The following CCSER1 variants were observed in gnomAD, a reference collection of about 807,000 sequenced individuals.
CCSER1 encodes the protein serine-rich coiled-coil domain-containing protein 1.
In CCSER1, 41 loss-of-function variants were observed where a neutral mutation model predicts 82.0. That is an observed-to-expected ratio of 0.50 (90% CI 0.39 to 0.65). The LOEUF is 0.65. CCSER1 is among the 30% of genes least tolerant of loss of function. The probability of loss-of-function intolerance (pLI) is 0.00; values close to 1 mark genes in which losing one functional copy is unlikely to be tolerated. For synonymous variants in CCSER1, 414 were observed against 383.9 expected, an observed-to-expected ratio of 1.08 and a Z score of -0.92; for missense variants, 1,119 against 1,064.2, an observed-to-expected ratio of 1.05 and a Z score of -0.72.
rs1394260540 is a variant in CCSER1 at position 91,013,287 on chromosome 4, A to C, written c.2173-72663A>C. Among the ~76,000 whole-genome samples the C allele has an allele frequency of 2.3e-5, 3 of 132,984 alleles. 1 individual carries two copies. Among genetic ancestry groups the C allele is most frequent in the Non-Finnish European group, 5.2e-5 (3 of 57,398 alleles). 87.2% of individuals were successfully genotyped at this position (132,984 alleles called of 152,430 possible). On this transcript the variant is annotated intron_variant, in intron 9 of 10. Transcript: ENST00000509176. ...GTCCAATTTTTTCTTTTGTATGTAAATATTTAGTTTTCCAGACACTCTTTG... is the reference window on the plus strand; with the variant it reads ...GTCCAATTTTTTCTTTTGTATGTAACTATTTAGTTTTCCAGACACTCTTTG...
intron 10 of CCSER1, among the ~76,000 whole-genome samples, chr4:91,230,849 C>T (rs1036482060): frequency 9.2e-5 from 14 of 151,736 alleles, no homozygotes; most frequent in Non-Finnish European, 2.1e-4. Flanking sequence ...AAAAATTATA[C>T]TTAAAGTCAT....
chr4:91,444,509 G>A lies in CCSER1; in HGVS notation c.2218-154063G>A, dbSNP rs536812625. Among the ~76,000 whole-genome samples, 368 of 152,046 alleles carry A rather than the reference G, an allele frequency of 2.4e-3. 4 individuals carry two copies. In the South Asian group the frequency reaches 0.032, roughly 13 times the overall value. ...CTATCACCCAGGCTGGAGTGCAATG[G>A]CACCATCTCGGCTCACTGCAACTTC... On this transcript the variant is annotated intron_variant, in intron 10 of 10. Coordinates refer to ENST00000509176, the MANE Select transcript of CCSER1 (RefSeq NM_001145065.2).
intron 1 of CCSER1, among the ~76,000 whole-genome samples, chr4:90,261,588 T>C (rs1485143976): frequency 6.6e-6 from 1 of 152,190 alleles, no homozygotes; most frequent in Non-Finnish European, 1.5e-5. Context: ...GGTGATGATC[T>C]TTTTGCAATG....
chr4:91,474,769 A>G (rs561838303), intron 10 of CCSER1, among the ~76,000 whole-genome samples: 8 of 139,842 alleles, frequency 5.7e-5, no homozygotes, highest in Admixed American at 2.3e-4. Context: ...ATGTGTGTGT[A>G]TATATATATA....
At chr4:91,440,651 A>G (rs1047020286) in intron 10 of CCSER1, among the ~76,000 whole-genome samples, 1 of 152,194 alleles carries the variant, frequency 6.6e-6, no homozygotes, top group African/African-American at 2.4e-5. Context: ...GAGACACAAA[A>G]AACCCTTCAA....
intron 10 of CCSER1, among the ~76,000 whole-genome samples, chr4:91,185,650 C>T (rs1425196603): frequency 2.0e-5 from 3 of 152,220 alleles, no homozygotes; most frequent in Admixed American, 2.0e-4. Context: ...ATCAGGTTCC[C>T]TTCTTTATCA....
At chr4:91,172,310 A>G (rs1732845797) in intron 10 of CCSER1, among the ~76,000 whole-genome samples, 1 of 152,196 alleles carries the variant, frequency 6.6e-6, no homozygotes. Context: ...TGTTACAGAG[A>G]GAAAAAAGGA....
At chr4:90,413,727 G>A (rs531832765) in intron 4 of CCSER1, among the ~76,000 whole-genome samples, 25 of 151,138 alleles carry the variant, frequency 1.7e-4, no homozygotes, top group African/African-American at 6.1e-4. Context: ...AGGCCAAGGC[G>A]GGCAGATCAC....
chr4:91,389,320 T>A (rs2149347758), intron 10 of CCSER1, among the ~76,000 whole-genome samples: 1 of 152,168 alleles, frequency 6.6e-6, no homozygotes, highest in African/African-American at 2.4e-5. Context: ...CAGCACCATT[T>A]GTTGAAAAGA....
intron 5 of CCSER1, among the ~76,000 whole-genome samples, chr4:90,609,736 C>T (rs1295959879): frequency 6.6e-6 from 1 of 152,094 alleles, no homozygotes; most frequent in Non-Finnish European, 1.5e-5. Context: ...ACTCAGAAAA[C>T]ATTTATGAAT....
chr4:91,114,145 C>G (rs563545280), intron 10 of CCSER1, among the ~76,000 whole-genome samples: 1 of 152,184 alleles, frequency 6.6e-6, no homozygotes, highest in African/African-American at 2.4e-5. Flanking sequence ...AGCCACCATG[C>G]CCAGCCAATA....
At chr4:91,467,702 G>T (rs763575481) in intron 10 of CCSER1, among the ~76,000 whole-genome samples, 2 of 152,180 alleles carry the variant, frequency 1.3e-5, no homozygotes, top group Non-Finnish European at 2.9e-5. Context: ...GATATGAACA[G>T]ACACTTCTCA....
intron 1 of CCSER1, among the ~76,000 whole-genome samples, chr4:90,276,609 G>A (rs1311230939): frequency 6.6e-6 from 1 of 152,166 alleles, no homozygotes; most frequent in East Asian, 1.9e-4. Flanking sequence ...CCCACCCAAA[G>A]TGCTGGGATT....
intron 5 of CCSER1, among the ~76,000 whole-genome samples, chr4:90,502,755 T>G (rs1200352443): frequency 6.6e-6 from 1 of 152,214 alleles, no homozygotes; most frequent in African/African-American, 2.4e-5. Context: ...GATATTTATT[T>G]TTAATTAAGC....
intron 5 of CCSER1, among the ~76,000 whole-genome samples, chr4:90,593,057 A>G (rs1782895835): frequency 6.6e-6 from 1 of 152,180 alleles, no homozygotes; most frequent in Non-Finnish European, 1.5e-5. Context: ...AAATGATCAT[A>G]CTAAAGAGTA....
chr4:90,503,996 C>T (rs1479282837), intron 5 of CCSER1, among the ~76,000 whole-genome samples: 1 of 151,946 alleles, frequency 6.6e-6, no homozygotes, highest in East Asian at 1.9e-4. Flanking sequence ...CATTTATTTC[C>T]TTTTACCTTT....
intron 9 of CCSER1, among the ~76,000 whole-genome samples, chr4:90,935,187 C>A (rs1422916230): frequency 6.6e-6 from 1 of 151,878 alleles, no homozygotes; most frequent in African/African-American, 2.4e-5. Context: ...AAATTTGATT[C>A]CCAATTGGAG....
rs142153065 is a variant in CCSER1 at position 90,200,401 on chromosome 4, A to C, written c.-42+72570A>C. Among the ~76,000 whole-genome samples, 572 of 152,164 alleles carry C rather than the reference A, an allele frequency of 3.8e-3. 2 individuals carry two copies. The highest frequency in any genetic ancestry group is 4.8e-3 in the Admixed American group (73 of 15,266). On this transcript the variant is annotated intron_variant, in intron 1 of 10. Transcript: ENST00000509176. ...CAGAATAATAAATGGGCACACAAAT[A>C]TCTTGATACCTGCAAGAGATATTTT...
intron 10 of CCSER1, among the ~76,000 whole-genome samples, chr4:91,482,108 A>G (rs1444170914): frequency 6.6e-6 from 1 of 152,132 alleles, no homozygotes; most frequent in Admixed American, 6.5e-5. Flanking sequence ...GATCATTAAA[A>G]AGTCAGGAAA....
Sources: gnomAD v4.1 joint callset for allele counts (sites outside exome capture counted in the v4.1 genomes callset) on GRCh38, gnomAD v4.1.1 for gene constraint, MANE v1.5 for transcripts, NCBI Gene and HGNC (gene_info 2026-07-23, HGNC 2026-07-21) for gene names.